TRANK1: variants seen among roughly 807,000 people sequenced by gnomAD.
The protein encoded by TRANK1 is TPR and ankyrin repeat-containing protein 1.
In TRANK1, 198 loss-of-function variants were observed where a neutral mutation model predicts 266.0. The observed-to-expected ratio is 0.74, with a 90% CI of 0.66 to 0.84. TRANK1 has a LOEUF of 0.84. Among genes scored for constraint, TRANK1 ranks in the 40% least tolerant of loss-of-function variants. The probability of loss-of-function intolerance (pLI) is 0.00; values close to 1 mark genes in which losing one functional copy is unlikely to be tolerated. For missense variants in TRANK1, 3,326 were observed against 3,634.6 expected, an observed-to-expected ratio of 0.92 and a Z score of 2.18; for synonymous variants, 1,396 against 1,384.1, an observed-to-expected ratio of 1.01 and a Z score of -0.19.
rs376362568 is a variant in TRANK1, at chr3:36,892,870, T to G, written c.636+31A>C. The G allele has an allele frequency of 1.2e-4, 75 of 647,908 alleles. 2 individuals are homozygous for G. The highest frequency in any genetic ancestry group is 5.9e-4 in the South Asian group (12 of 20,284). The allele number at this position is 647,908 out of a possible 1,614,324, so 40.1% of individuals were successfully genotyped here. On this transcript the variant is annotated intron_variant, in intron 6 of 23. Coordinates refer to ENST00000645898, the MANE Select transcript of TRANK1 (RefSeq NM_001329998.2). ...AACAAAACATATATATATATATATA[T>G]AGATATATATAGATATATATATCAC...
chr3:36,912,374 G>C (rs2080064415), intron 1 of TRANK1, among the ~76,000 whole-genome samples: 1 of 152,180 alleles, frequency 6.6e-6, no homozygotes, highest in African/African-American at 2.4e-5. Flanking sequence ...GGCCAAGACA[G>C]AGGCTAAAAG....
intron 9 of TRANK1, among the ~76,000 whole-genome samples, chr3:36,866,026 AAGAGAGAGAGAGACAGACAG>A (rs2079214153): frequency 1.3e-5 from 2 of 149,506 alleles, no homozygotes; most frequent in Admixed American, 1.3e-4. Flanking sequence ...GACAGAAAGA[AAGAGAGAGAGAGACAGACAG>A]AAAGAAAAAG....
chr3:36,894,891 A>C (rs958580602), intron 5 of TRANK1, among the ~76,000 whole-genome samples: 3 of 152,142 alleles, frequency 2.0e-5, no homozygotes, highest in African/African-American at 7.2e-5. Flanking sequence ...GCCTATCACC[A>C]ATGACGACTA....
intron 16 of TRANK1, 120 bp downstream of exon 16, chr3:36,847,080 T>G: frequency 8.2e-7 from 1 of 1,221,858 alleles, no homozygotes. Context: ...TATCCTCAAT[T>G]CCCCGTTGCT....
rs554807984 is a variant in TRANK1, at chr3:36,834,925, T to G, written c.5518-18A>C. The G allele has an allele frequency of 1.9e-5, 30 of 1,586,440 alleles. No homozygotes were observed. The highest frequency in any genetic ancestry group is 3.4e-4 in the Middle Eastern group (2 of 5,904). On this transcript the variant is annotated intron_variant, in intron 20 of 23. Transcript: ENST00000645898. ...TCTCTTATCTAGGATGGAGTAAATT[T>G]TACTTTTATTTAGAGTACTCATGAT...
chr3:36,896,090 A>T (rs2079785968), intron 4 of TRANK1, among the ~76,000 whole-genome samples: 1 of 152,254 alleles, frequency 6.6e-6, no homozygotes, highest in African/African-American at 2.4e-5. Flanking sequence ...TAGAGGAGGA[A>T]ATGGAAGCTT....
At chr3:36,849,829 T>C (rs1276878515) in intron 15 of TRANK1, among the ~76,000 whole-genome samples, 1 of 152,192 alleles carries the variant, frequency 6.6e-6, no homozygotes, top group Non-Finnish European at 1.5e-5. Context: ...GAATGCATGG[T>C]CACATTAACA....
chr3:36,912,333 C>G (rs1187895848), intron 1 of TRANK1, among the ~76,000 whole-genome samples: 1 of 152,184 alleles, frequency 6.6e-6, no homozygotes, highest in Non-Finnish European at 1.5e-5. Flanking sequence ...CCTAGGTGGC[C>G]TCACTTTAAG....
Position 36,834,906 on chromosome 3 carries a change from A to C in TRANK1, c.5519T>G (p.Ile1840Arg), listed in dbSNP as rs2078747240. Reference sequence around the variant, plus strand: ...CTTATAGAAATAGGCAGCATCTCTTATCTAGGATGGAGTAAATTTTACTTT... The same window carrying C: ...CTTATAGAAATAGGCAGCATCTCTTCTCTAGGATGGAGTAAATTTTACTTT... The part of the protein sequence containing the change: ...SAQLCERLGK[I>R]RDAAYFYKRS... The change falls in exon 21 of 24, where the codon ATA (isoleucine) becomes AGA (arginine). Residue 1840 changes from isoleucine (I) to arginine (R), a missense_variant and splice_region_variant. Ile to Arg is a moderately conservative substitution (Grantham distance 97, BLOSUM62 -3). Transcript: ENST00000645898. 1 of 1,601,590 alleles carries C rather than the reference A, an allele frequency of 6.2e-7. No individual in the cohort carries two copies. The highest frequency in any genetic ancestry group is 8.5e-7 in the Non-Finnish European group (1 of 1,176,230).
intron 15 of TRANK1, chr3:36,850,617 T>C (rs986899450): frequency 1.3e-6 from 1 of 793,044 alleles, no homozygotes; most frequent in Non-Finnish European, 1.5e-6. Flanking sequence ...AAAATAAAAA[T>C]AAATTTTAAA....
chr3:36,903,793 G>A (rs1483639643), intron 2 of TRANK1, among the ~76,000 whole-genome samples: 1 of 152,252 alleles, frequency 6.6e-6, no homozygotes, highest in African/African-American at 2.4e-5. Context: ...CAGCAGGGCA[G>A]GGATGGCTCT....
chr3:36,906,584 G>T (rs1438633537), intron 2 of TRANK1, among the ~76,000 whole-genome samples: 1 of 152,170 alleles, frequency 6.6e-6, no homozygotes, highest in Non-Finnish European at 1.5e-5. Flanking sequence ...AAATCACAAG[G>T]GTCCCTATGA....
At chr3:36,850,248 G>C in intron 15 of TRANK1, 1 of 985,396 alleles carries the variant, frequency 1.0e-6, no homozygotes. Context: ...TGGTTCCAGG[G>C]TTAATGAGTG....
intron 5 of TRANK1, 23 bp from the exon 6 acceptor site, chr3:36,893,007 G>T: frequency 7.0e-7 from 1 of 1,435,030 alleles, no homozygotes; most frequent in Non-Finnish European, 9.2e-7. Context: ...GACAGAAAAG[G>T]CTGGAATAAT....
Position 36,908,325 on chromosome 3 carries a change from C to A in TRANK1, c.153G>T (p.Trp51Cys). ...AIQILLQLYQWGVPPRDLAVL... is the reference protein window; with the variant it reads ...AIQILLQLYQCGVPPRDLAVL... ...GAGGTGAAAATGCAAACACTTACCC[C>A]CACTGGTATAACTGCAGGAGAATCT... The change falls in exon 2 of 24, where the codon TGG (tryptophan) becomes TGT (cysteine). Residue 51 changes from tryptophan to cysteine, a missense_variant and splice_region_variant. Coordinates refer to ENST00000645898, the MANE Select transcript of TRANK1 (RefSeq NM_001329998.2). The A allele has an allele frequency of 8.1e-7, 1 of 1,232,192 alleles. No individual in the cohort carries two copies. The highest frequency in any genetic ancestry group is 1.0e-6 in the Non-Finnish European group (1 of 987,976). The allele number at this position is 1,232,192 out of a possible 1,614,324, so 76.3% of individuals were successfully genotyped here.
chr3:36,837,132 C>T (rs897401126), intron 20 of TRANK1, among the ~76,000 whole-genome samples: 2 of 152,232 alleles, frequency 1.3e-5, no homozygotes, highest in African/African-American at 2.4e-5. Flanking sequence ...GGATCCATCA[C>T]CTGCCTTTTC....
At chr3:36,876,359 G>A (rs2079388078) in intron 8 of TRANK1, among the ~76,000 whole-genome samples, 1 of 152,226 alleles carries the variant, frequency 6.6e-6, no homozygotes, top group African/African-American at 2.4e-5. Context: ...TCTTCCAGAG[G>A]CTAAATCCTG....
At chr3:36,873,498 T>C (rs1008473483) in intron 9 of TRANK1, among the ~76,000 whole-genome samples, 2 of 152,260 alleles carry the variant, frequency 1.3e-5, no homozygotes, top group African/African-American at 4.8e-5. Flanking sequence ...CCCATGTTAC[T>C]AGTTGTAGAA....
At chr3:36,858,607 C>A in intron 12 of TRANK1, 111 bp downstream of exon 12, 1 of 1,285,554 alleles carries the variant, frequency 7.8e-7, no homozygotes, top group Non-Finnish European at 1.0e-6. Context: ...AAGAAATGGG[C>A]CTTTTTCAGA....
Sources: allele counts gnomAD v4.1 joint callset (sites outside exome capture counted in the v4.1 genomes callset), GRCh38; gene constraint gnomAD v4.1.1; transcripts MANE v1.5; gene names NCBI Gene and HGNC (gene_info 2026-07-23, HGNC 2026-07-21).